Variants in GALK2 observed in about 807,000 individuals in gnomAD.
GALK2 encodes N-acetylgalactosamine kinase.
Under a neutral mutation model 52.4 loss-of-function variants are expected in GALK2, and 36 were observed. The ratio of observed to expected loss-of-function variants is 0.69; its 90% confidence interval spans 0.53 to 0.91. The LOEUF (loss-of-function observed/expected upper bound fraction) is 0.91. Among genes scored for constraint, GALK2 ranks in the 40% least tolerant of loss-of-function variants. The pLI is 0.00. For synonymous variants in GALK2, 176 were observed against 199.1 expected, an observed-to-expected ratio of 0.88 and a Z score of 0.98; for missense variants, 579 against 559.1, an observed-to-expected ratio of 1.04 and a Z score of -0.36.
At chr15:49,161,264 A>G (rs1222346557) in intron 1 of GALK2, among the ~76,000 whole-genome samples, 3 of 152,234 alleles carry the variant, frequency 2.0e-5, no homozygotes, top group Non-Finnish European at 2.9e-5. Context: ...GACCAAATTT[A>G]TTAAGTCTAG....
chr15:49,335,013 G>A (rs908121113), downstream of GALK2, among the ~76,000 whole-genome samples: 1 of 152,176 alleles, frequency 6.6e-6, no homozygotes, highest in African/African-American at 2.4e-5. Flanking sequence ...GAAGGACTTT[G>A]CTGTCTTGAT....
downstream of GALK2, among the ~76,000 whole-genome samples, chr15:49,334,918 A>G (rs1397132029): frequency 6.6e-6 from 1 of 152,212 alleles, no homozygotes; most frequent in African/African-American, 2.4e-5. Flanking sequence ...TTCCTAGCAC[A>G]TAAGATTACC....
chr15:49,328,741 T>C lies in GALK2; in HGVS notation c.*582T>C, dbSNP rs751451584. The C allele has an allele frequency of 2.7e-6, 4 of 1,507,768 alleles. No homozygotes were observed. Among genetic ancestry groups the C allele is most frequent in the African/African-American group, 1.4e-5 (1 of 71,482 alleles). 93.4% of individuals were successfully genotyped at this position (1,507,768 alleles called of 1,614,324 possible). A position where few individuals can be genotyped will look rare whatever the true frequency, so the allele number is the denominator to read the frequency against. On this transcript the variant is annotated 3_prime_UTR_variant, in exon 10 of 10. Transcript: ENST00000560031. ...TGGACATTGTATAATTGAATTTGAATGTGAGATTTCTCCAGTTATCAAGAG... is the reference window on the plus strand; with the variant it reads ...TGGACATTGTATAATTGAATTTGAACGTGAGATTTCTCCAGTTATCAAGAG...
intron 1 of GALK2, among the ~76,000 whole-genome samples, chr15:49,163,745 G>A (rs1417978135): frequency 1.3e-5 from 2 of 152,104 alleles, no homozygotes; most frequent in African/African-American, 2.4e-5. Flanking sequence ...AGCTCCTTGA[G>A]GACACAACTG....
chr15:49,294,361 T>C (rs1424471336), intron 8 of GALK2, among the ~76,000 whole-genome samples: 9 of 152,030 alleles, frequency 5.9e-5, no homozygotes, highest in Admixed American at 5.9e-4. Flanking sequence ...GAACTACAGA[T>C]AGTTGAGTGT....
At chr15:49,183,703 C>T (rs907940180) in intron 1 of GALK2, among the ~76,000 whole-genome samples, 8 of 152,196 alleles carry the variant, frequency 5.3e-5, no homozygotes, top group East Asian at 3.9e-4. Context: ...ATTAGCCAGG[C>T]GTGGTGGCAC....
At chr15:49,283,790 C>T (rs1195212050) in intron 7 of GALK2, 72 bp downstream of exon 7, 2 of 1,491,166 alleles carry the variant, frequency 1.3e-6, no homozygotes, top group Non-Finnish European at 1.8e-6. Flanking sequence ...TTCTCTATTA[C>T]TTTATCTCTT....
chr15:49,322,195 A>C (rs2036932460), intron 9 of GALK2, among the ~76,000 whole-genome samples: 1 of 152,154 alleles, frequency 6.6e-6, no homozygotes, highest in African/African-American at 2.4e-5. Flanking sequence ...ATGGCAGCTA[A>C]AGTGTTTCAT....
At chr15:49,358,954 C>A (rs1183378854) in intron 3 of GALK2, among the ~76,000 whole-genome samples, 3 of 148,386 alleles carry the variant, frequency 2.0e-5, no homozygotes, top group Non-Finnish European at 3.0e-5. Context: ...ACTATCTGAT[C>A]TTTGACAAAC....
upstream of GALK2, chr15:49,169,887 C>T (rs1287018617): frequency 1.3e-5 from 2 of 156,836 alleles, no homozygotes; most frequent in Admixed American, 6.3e-5. Flanking sequence ...AAGACCAAAA[C>T]CATAACTAAA....
chr15:49,328,660 T>C lies in GALK2; in HGVS notation c.*501T>C. Reference sequence around the variant, plus strand: ...AGTGATGCCACACATTCTCTCTCAATTTCAGCTTCGGAACGCTATGAAAAT... The same window carrying C: ...AGTGATGCCACACATTCTCTCTCAACTTCAGCTTCGGAACGCTATGAAAAT... On this transcript the variant is annotated 3_prime_UTR_variant, in exon 10 of 10. Transcript: ENST00000560031. 6.4e-7 allele frequency: 1 copy of C among 1,566,628 alleles called. No homozygotes were observed. The highest frequency in any genetic ancestry group is 1.7e-4 in the Middle Eastern group (1 of 5,994).
At position 49,345,909 on chromosome 15, in the gene GALK2, G is replaced by C. The variant is rs1336089179; in HGVS notation, c.427-21582G>C. On this transcript the variant is annotated intron_variant, in intron 3 of 3. Transcript: ENST00000558399. ...GTACCTTGCCTTTGAGAGATTGAGT[G>C]TGTGTGAGAGACTCAGGAAAAGAAT... Among the ~76,000 whole-genome samples the C allele has an allele frequency of 3.3e-5, 5 of 152,162 alleles. 1 individual carries two copies. In the South Asian group the frequency reaches 8.3e-4, roughly 25 times the overall value.
chr15:49,192,497 A>ATATATATATATG (rs2086828178), intron 1 of GALK2, among the ~76,000 whole-genome samples: 1 of 80,736 alleles, frequency 1.2e-5, no homozygotes, highest in Non-Finnish European at 2.7e-5. Flanking sequence ...ATATATATAT[A>ATATATATATATG]TATATATATA....
chr15:49,339,841 G>C, intron 3 of GALK2, among the ~76,000 whole-genome samples: 1 of 152,150 alleles, frequency 6.6e-6, no homozygotes, highest in Middle Eastern at 3.2e-3. Context: ...AATGAATCTA[G>C]AGAGGCAGCA....
chr15:49,275,117 T>C (rs1475789967), intron 5 of GALK2, among the ~76,000 whole-genome samples: 1 of 152,222 alleles, frequency 6.6e-6, no homozygotes, highest in East Asian at 1.9e-4. Flanking sequence ...TGACTGGCAG[T>C]GCAGTAGGTT....
chr15:49,304,765 C>T (rs754166), intron 8 of GALK2, among the ~76,000 whole-genome samples: 100,231 of 152,182 alleles, frequency 0.66, 33,621 homozygotes, highest in African/African-American at 0.74. Context: ...TATACAAATA[C>T]GAAGTTGACA....
At chr15:49,168,779 AT>A (rs35682131), upstream of GALK2, among the ~76,000 whole-genome samples, 150,629 of 151,236 alleles carry the variant, frequency 1, 75,012 homozygotes, top group Middle Eastern at 1. Flanking sequence ...AACATTTTAC[AT>A]TTTTTTTTAA....
Position 49,287,780 on chromosome 15 carries a change from T to G in GALK2, c.756+4062T>G, listed in dbSNP as rs576921064. Reference sequence around the variant, plus strand: ...AAAGTTGTAATGAAGAACATTTATTTTTCCTTTCTTCCTATTTTTCTCAGA... The same window carrying G: ...AAAGTTGTAATGAAGAACATTTATTGTTCCTTTCTTCCTATTTTTCTCAGA... On this transcript the variant is annotated intron_variant, in intron 7 of 9. Coordinates refer to ENST00000560031, the MANE Select transcript of GALK2 (RefSeq NM_002044.4). Among the ~76,000 whole-genome samples, 3 of 152,338 alleles carry G rather than the reference T, an allele frequency of 2.0e-5. No individual in the cohort carries two copies. In the South Asian group the frequency reaches 6.2e-4, roughly 32 times the overall value.
intron 1 of GALK2, chr15:49,161,811 T>TCCC: frequency 4.3e-5 from 7 of 163,108 alleles, no homozygotes; most frequent in Non-Finnish European, 9.3e-5. Flanking sequence ...CTCCGCCTCC[T>TCCC]GGGTTCAAGC....
Sources: gnomAD v4.1 joint callset for allele counts (sites outside exome capture counted in the v4.1 genomes callset) on GRCh38, gnomAD v4.1.1 for gene constraint, MANE v1.5 for transcripts, NCBI Gene and HGNC (gene_info 2026-07-23, HGNC 2026-07-21) for gene names.